MYT1L: variants seen among roughly 807,000 people sequenced by gnomAD.
The protein encoded by MYT1L is myelin transcription factor 1-like protein.
Under a neutral mutation model 126.7 loss-of-function variants are expected in MYT1L, and 12 were observed. That is an observed-to-expected ratio of 0.09 (90% CI 0.06 to 0.15). The LOEUF (loss-of-function observed/expected upper bound fraction) is 0.15. Ranked by LOEUF, MYT1L falls within the 10% of genes least tolerant of loss-of-function variation. The pLI is 1.00. For synonymous variants in MYT1L, 541 were observed against 604.2 expected (o/e 0.90, Z 1.53); for missense variants, 979 against 1,585.2 (o/e 0.62, Z 6.49).
At chr2:2,215,874 G>A (rs143806201) in intron 2 of MYT1L, among the ~76,000 whole-genome samples, 6 of 152,282 alleles carry the variant, frequency 3.9e-5, no homozygotes, top group African/African-American at 1.4e-4. Flanking sequence ...CCCAGTGTTG[G>A]AGGTGGAACC....
chr2:1,818,356 G>C (rs2038009820), intron 21 of MYT1L, among the ~76,000 whole-genome samples: 1 of 152,178 alleles, frequency 6.6e-6, no homozygotes, highest in Non-Finnish European at 1.5e-5. Context: ...CTGAACATCA[G>C]CTCCACACAG....
chr2:1,813,381 CA>C (rs2037017902), intron 21 of MYT1L, among the ~76,000 whole-genome samples: 1 of 152,154 alleles, frequency 6.6e-6, no homozygotes. Flanking sequence ...GAAATGGCCC[CA>C]GGGGCACAGC....
At chr2:2,050,100 C>T (rs138421315) in intron 4 of MYT1L, among the ~76,000 whole-genome samples, 2 of 152,150 alleles carry the variant, frequency 1.3e-5, no homozygotes, top group Admixed American at 6.5e-5. Context: ...CAGCTATTAT[C>T]ATCTTTTGTA....
chr2:1,867,502 AGG>A (rs2045734885), intron 18 of MYT1L, among the ~76,000 whole-genome samples: 1 of 152,114 alleles, frequency 6.6e-6, no homozygotes, highest in Non-Finnish European at 1.5e-5. Flanking sequence ...TTCAGTCTCA[AGG>A]GTGTTCCTTG....
chr2:2,091,669 C>T (rs945132379), intron 3 of MYT1L, among the ~76,000 whole-genome samples: 3 of 152,126 alleles, frequency 2.0e-5, no homozygotes, highest in African/African-American at 7.2e-5. Context: ...GGCTTATATT[C>T]TTCCAATATA....
At chr2:2,184,800 GGA>G (rs770895902) in intron 2 of MYT1L, among the ~76,000 whole-genome samples, 25 of 152,122 alleles carry the variant, frequency 1.6e-4, no homozygotes, top group Admixed American at 3.3e-4. Context: ...TTCAGTTGTA[GGA>G]GAGACTCCTG....
intron 2 of MYT1L, among the ~76,000 whole-genome samples, chr2:2,231,422 G>T (rs1026915220): frequency 1.3e-5 from 2 of 152,120 alleles, no homozygotes; most frequent in African/African-American, 4.8e-5. Context: ...AGGCAAAAAT[G>T]GTTTTGTTTA....
intron 15 of MYT1L, among the ~76,000 whole-genome samples, chr2:1,890,733 T>G (rs747701163): frequency 6.6e-6 from 1 of 152,178 alleles, no homozygotes; most frequent in Non-Finnish European, 1.5e-5. Flanking sequence ...ATTTCAGAGC[T>G]GGTCTGAAAG....
intron 21 of MYT1L, among the ~76,000 whole-genome samples, chr2:1,814,212 C>T (rs1344074773): frequency 1.3e-5 from 2 of 152,052 alleles, no homozygotes; most frequent in African/African-American, 4.8e-5. Context: ...ACGCCCCTGG[C>T]ACTCCCACTT....
At chr2:1,888,483 C>T (rs1302508811) in intron 16 of MYT1L, among the ~76,000 whole-genome samples, 1 of 152,010 alleles carries the variant, frequency 6.6e-6, no homozygotes, top group African/African-American at 2.4e-5. Context: ...TCTTTTTTTT[C>T]CATTTCCTTG....
At chr2:2,001,973 G>A (rs1252900042) in intron 4 of MYT1L, among the ~76,000 whole-genome samples, 1 of 152,084 alleles carries the variant, frequency 6.6e-6, no homozygotes, top group African/African-American at 2.4e-5. Flanking sequence ...CCTGCTCCAC[G>A]GTGAGAAATA....
At chr2:2,264,638 G>C (rs1197885360) in intron 2 of MYT1L, among the ~76,000 whole-genome samples, 10 of 152,130 alleles carry the variant, frequency 6.6e-5, no homozygotes, top group Non-Finnish European at 1.3e-4. Flanking sequence ...AGCGGAGTGT[G>C]TACACTCCTC....
chr2:1,910,222 T>C lies in MYT1L; in HGVS notation c.1817+18A>G, dbSNP rs763231912. On this transcript the variant is annotated intron_variant, in intron 13 of 24. Coordinates refer to ENST00000647738, the MANE Select transcript of MYT1L (RefSeq NM_001303052.2). This position sits in a 1 kb window ranked among gnomAD's most constrained non-coding sequence, Gnocchi z 4.8. ...GACTATGGATAGAGCTCACGGATGG[T>C]GCACTCCTGCTGGGTACCTGAGCAC... 6.8e-6 allele frequency: 11 copies of C among 1,607,202 alleles called. No individual in the cohort carries two copies. Among genetic ancestry groups the C allele is most frequent in the African/African-American group, 1.3e-5 (1 of 74,956 alleles).
intron 18 of MYT1L, among the ~76,000 whole-genome samples, chr2:1,881,059 A>G (rs2047472162): frequency 6.6e-6 from 1 of 152,158 alleles, no homozygotes; most frequent in Non-Finnish European, 1.5e-5. Flanking sequence ...GCGTCAGTAT[A>G]GTTAGTTAAA....
chr2:1,989,380 C>A (rs2061303961), intron 5 of MYT1L, among the ~76,000 whole-genome samples: 1 of 152,066 alleles, frequency 6.6e-6, no homozygotes, highest in African/African-American at 2.4e-5. Flanking sequence ...CAGGAGAAAC[C>A]CAGCCCAGGA....
At chr2:2,190,454 C>G (rs1040558898) in intron 2 of MYT1L, among the ~76,000 whole-genome samples, 1 of 56,652 alleles carries the variant, frequency 1.8e-5, no homozygotes, top group Non-Finnish European at 2.9e-5. Context: ...GTCTGTATGC[C>G]TATTTTTTTT....
chr2:1,811,934 G>A lies in MYT1L; in HGVS notation c.3081-2767C>T, dbSNP rs563795876. Among the ~76,000 whole-genome samples, 1 of 152,298 alleles carries A rather than the reference G, an allele frequency of 6.6e-6. No individual in the cohort carries two copies. The highest frequency in any genetic ancestry group is 2.1e-4 in the South Asian group (1 of 4,824). ...ACACTTCTGCTTCCCTAGCTTATCC[G>A]TAAATCTGCTTCTGAAGGCGAGCTG... is the stretch of plus-strand genomic sequence containing the variant. On this transcript the variant is annotated intron_variant, in intron 21 of 24. Transcript: ENST00000647738. This position sits in a 1 kb window ranked among gnomAD's most constrained non-coding sequence, Gnocchi z 4.4.
At chr2:2,310,764 C>T (rs2095954128) in intron 1 of MYT1L, among the ~76,000 whole-genome samples, 1 of 152,174 alleles carries the variant, frequency 6.6e-6, no homozygotes, top group African/African-American at 2.4e-5. Flanking sequence ...ATTTGTCTTT[C>T]CTTCCCTGTT....
chr2:2,286,850 G>T (rs73179794), intron 1 of MYT1L, among the ~76,000 whole-genome samples: 2 of 152,278 alleles, frequency 1.3e-5, no homozygotes, highest in South Asian at 4.1e-4. Flanking sequence ...GGAAGGGTGC[G>T]CGAAATCACG....
Sources: gnomAD v4.1 joint callset for allele counts (sites outside exome capture counted in the v4.1 genomes callset) on GRCh38, gnomAD v4.1.1 for gene constraint, Gnocchi (gnomAD v3.1) non-coding constraint, MANE v1.5 for transcripts, NCBI Gene and HGNC (gene_info 2026-07-23, HGNC 2026-07-21) for gene names.